FGF12: variants seen among roughly 807,000 people sequenced by gnomAD.
The protein encoded by FGF12 is fibroblast growth factor 12B.
Under a neutral mutation model 23.6 loss-of-function variants are expected in FGF12, and 14 were observed. That is an observed-to-expected ratio of 0.59 (90% CI 0.39 to 0.93). FGF12 has a LOEUF of 0.93. Ranked by LOEUF, FGF12 falls within the 40% of genes least tolerant of loss-of-function variation. The pLI is 0.00. For synonymous variants in FGF12, 62 were observed against 77.3 expected (o/e 0.80, Z 1.04); for missense variants, 175 against 217.8 (o/e 0.80, Z 1.24).
chr3:192,357,742 T>A (rs58253050), intron 3 of FGF12, among the ~76,000 whole-genome samples: 9,438 of 152,240 alleles, frequency 0.062, 1,048 homozygotes, highest in African/African-American at 0.22. Context: ...GGAACATACA[T>A]TCTTCTGGGA....
chr3:192,517,663 G>C (rs1441321659), intron 2 of FGF12, among the ~76,000 whole-genome samples: 2 of 152,180 alleles, frequency 1.3e-5, no homozygotes, highest in African/African-American at 2.4e-5. Flanking sequence ...TTACTGTATA[G>C]TATGGACATT....
intron 2 of FGF12, among the ~76,000 whole-genome samples, chr3:192,699,261 A>G (rs554920137): frequency 1.3e-5 from 2 of 152,208 alleles, no homozygotes; most frequent in African/African-American, 4.8e-5. Context: ...CAACTCTTTC[A>G]TTTTGTTATA....
intron 2 of FGF12, among the ~76,000 whole-genome samples, chr3:192,367,749 A>G (rs1719046090): frequency 6.6e-6 from 1 of 152,192 alleles, no homozygotes; most frequent in Non-Finnish European, 1.5e-5. Flanking sequence ...ACCTTCCAGA[A>G]CTGAAAGGAT....
At chr3:192,634,593 G>C (rs1236274180) in intron 2 of FGF12, among the ~76,000 whole-genome samples, 2 of 152,024 alleles carry the variant, frequency 1.3e-5, no homozygotes, top group African/African-American at 4.8e-5. Context: ...AATTCCAAAA[G>C]AAGAAACCGA....
At chr3:192,221,192 GACAAAGCCTC>G (rs1252265036) in intron 4 of FGF12, among the ~76,000 whole-genome samples, 3 of 152,276 alleles carry the variant, frequency 2.0e-5, no homozygotes, top group Non-Finnish European at 4.4e-5. Flanking sequence ...TTTTCTGTTT[GACAAAGCCTC>G]ACAAGGCTAA....
intron 5 of FGF12, among the ~76,000 whole-genome samples, chr3:192,169,952 G>A (rs771998298): frequency 3.3e-5 from 5 of 149,474 alleles, no homozygotes; most frequent in Non-Finnish European, 7.4e-5. Context: ...AGTGCAATAC[G>A]GTAAATATAA....
intron 4 of FGF12, among the ~76,000 whole-genome samples, chr3:192,186,602 T>C (rs940602826): frequency 2.0e-5 from 3 of 152,244 alleles, no homozygotes; most frequent in African/African-American, 7.2e-5. Flanking sequence ...CTTACATTTG[T>C]GTGTGCGTGT....
chr3:192,397,849 T>A (rs953485136), intron 2 of FGF12, among the ~76,000 whole-genome samples: 4 of 152,216 alleles, frequency 2.6e-5, no homozygotes, highest in Non-Finnish European at 1.5e-5. Flanking sequence ...CTTAATGATT[T>A]TTAATGCATT....
chr3:192,694,496 G>A (rs944127673), intron 2 of FGF12, among the ~76,000 whole-genome samples: 13 of 151,890 alleles, frequency 8.6e-5, no homozygotes, highest in South Asian at 2.1e-4. Context: ...AACAATCTAC[G>A]TGTTCATCAA....
intron 2 of FGF12, among the ~76,000 whole-genome samples, chr3:192,422,945 G>A (rs996772079): frequency 6.6e-6 from 1 of 152,120 alleles, no homozygotes; most frequent in Non-Finnish European, 1.5e-5. Context: ...GGCAGGGTGG[G>A]AAAACCTGAT....
intron 4 of FGF12, among the ~76,000 whole-genome samples, chr3:192,234,042 C>T (rs1304494311): frequency 6.6e-6 from 1 of 151,910 alleles, no homozygotes; most frequent in East Asian, 1.9e-4. Context: ...TTGGCTATTC[C>T]AGCTCTTTTT....
chr3:192,367,438 A>T (rs1300893053), intron 2 of FGF12, among the ~76,000 whole-genome samples: 1 of 152,200 alleles, frequency 6.6e-6, no homozygotes, highest in Non-Finnish European at 1.5e-5. Flanking sequence ...AGACTTCAAA[A>T]TTAGACTATT....
chr3:192,629,671 A>G (rs1715310526), intron 2 of FGF12, among the ~76,000 whole-genome samples: 1 of 152,198 alleles, frequency 6.6e-6, no homozygotes, highest in Admixed American at 6.5e-5. Flanking sequence ...TTTGAGCATC[A>G]TCCCAATTCA....
intron 2 of FGF12, among the ~76,000 whole-genome samples, chr3:192,527,370 A>G (rs192689686): frequency 2.2e-4 from 33 of 152,368 alleles, no homozygotes; most frequent in African/African-American, 7.7e-4. Flanking sequence ...CTGGAAGACC[A>G]ACAGACAAAG....
At chr3:192,428,552 T>C (rs1304977087) in intron 2 of FGF12, among the ~76,000 whole-genome samples, 1 of 152,188 alleles carries the variant, frequency 6.6e-6, no homozygotes, top group African/African-American at 2.4e-5. Context: ...GTTATTAATA[T>C]ATAAATGATC....
chr3:192,692,601 G>C (rs1717977646), intron 2 of FGF12, among the ~76,000 whole-genome samples: 1 of 151,790 alleles, frequency 6.6e-6, no homozygotes, highest in South Asian at 2.1e-4. Context: ...GGCTACCTGG[G>C]AGGCTGAGCT....
intron 2 of FGF12, among the ~76,000 whole-genome samples, chr3:192,440,040 A>C (rs903705293): frequency 6.6e-6 from 1 of 151,814 alleles, no homozygotes; most frequent in Admixed American, 6.6e-5. Flanking sequence ...GGAAGAAGTA[A>C]ATGTTGAATT....
chr3:192,448,203 G>A (rs375754544), intron 2 of FGF12, among the ~76,000 whole-genome samples: 3 of 152,264 alleles, frequency 2.0e-5, no homozygotes, highest in African/African-American at 7.2e-5. Context: ...CCTGTTATTA[G>A]CCATGCTTCA....
intron 2 of FGF12, among the ~76,000 whole-genome samples, chr3:192,677,511 T>C (rs548849106): frequency 9.8e-4 from 149 of 152,304 alleles, no homozygotes; most frequent in African/African-American, 3.4e-3. Flanking sequence ...ATATGAATAT[T>C]TTCTAATCAT....
Sources: allele counts gnomAD v4.1 joint callset (sites outside exome capture counted in the v4.1 genomes callset), GRCh38; gene constraint gnomAD v4.1.1; transcripts MANE v1.5; gene names NCBI Gene and HGNC (gene_info 2026-07-23, HGNC 2026-07-21).